Variants in GCNT4 observed in about 807,000 individuals in gnomAD.
The protein encoded by GCNT4 is glucosaminyl (N-acetyl) transferase 4, also known as beta-1,3-galactosyl-O-glycosyl-glycoprotein beta-1,6-N-acetylglucosaminyltransferase 4.
A neutral mutation model predicts 31.3 loss-of-function variants in GCNT4; 17 were observed. The ratio of observed to expected loss-of-function variants is 0.54; its 90% CI spans 0.37 to 0.81. GCNT4 has a LOEUF of 0.81. Among genes scored for constraint, GCNT4 ranks in the 40% least tolerant of loss-of-function variants. The pLI, the probability that GCNT4 is intolerant of heterozygous loss-of-function variation, is 0.00. For synonymous variants in GCNT4, 158 were observed against 190.6 expected (o/e 0.83, Z 1.41); for missense variants, 503 against 525.5 (o/e 0.96, Z 0.42).
rs201421231 is a variant in GCNT4 at position 75,026,647 on chromosome 5, C to A, written c.*2029G>T. The A allele has an allele frequency of 3.5e-4, 23 of 65,768 alleles. No individual in the cohort carries two copies. The highest frequency in any genetic ancestry group is 7.4e-4 in the South Asian group (1 of 1,344). 4.1% of individuals were successfully genotyped at this position (65,768 alleles called of 1,614,324 possible). ...CATATACTATTTCAATCGATTCTCA[C>A]AAAAAAAAAAAAAAAAAAAAAAAAA... On this transcript the variant is annotated 3_prime_UTR_variant, in exon 4 of 4. Transcript: ENST00000652361.
At chr5:75,043,115 G>T (rs148881849) in intron 3 of GCNT4, among the ~76,000 whole-genome samples, 1 of 152,170 alleles carries the variant, frequency 6.6e-6, no homozygotes, top group Admixed American at 6.5e-5. Flanking sequence ...TTCTCAATAC[G>T]TAGGTTTTAT....
intron 3 of GCNT4, among the ~76,000 whole-genome samples, chr5:75,042,542 A>G (rs959910953): frequency 6.6e-6 from 1 of 152,238 alleles, no homozygotes; most frequent in Non-Finnish European, 1.5e-5. Flanking sequence ...CTCCATGTCC[A>G]TCGCAGAGGC....
downstream of GCNT4, among the ~76,000 whole-genome samples, chr5:75,023,434 A>T (rs1027804791): frequency 4.6e-5 from 7 of 152,204 alleles, no homozygotes; most frequent in Non-Finnish European, 1.0e-4. Context: ...TCAGGATTAT[A>T]ATTTCTCTCA....
intron 2 of GCNT4, among the ~76,000 whole-genome samples, chr5:75,051,705 C>CT (rs1249536659): frequency 6.6e-6 from 1 of 152,252 alleles, no homozygotes; most frequent in Non-Finnish European, 1.5e-5. Context: ...AGTGCTAACT[C>CT]TGACTGCCCG....
At chr5:75,043,691 A>C (rs533324971) in intron 3 of GCNT4, among the ~76,000 whole-genome samples, 1 of 152,242 alleles carries the variant, frequency 6.6e-6, no homozygotes, top group Non-Finnish European at 1.5e-5. Context: ...ACTAGCAAAC[A>C]CCCACTTTGA....
At chr5:75,037,219 G>A (rs945809626) in intron 3 of GCNT4, among the ~76,000 whole-genome samples, 2 of 152,168 alleles carry the variant, frequency 1.3e-5, no homozygotes, top group Non-Finnish European at 2.9e-5. Context: ...CTCCCTTGGT[G>A]ACTCGCTCAC....
At chr5:75,017,827 A>G in the GCNT4 span, among the ~76,000 whole-genome samples, 1 of 152,314 alleles carries the variant, frequency 6.6e-6, no homozygotes, top group African/African-American at 2.4e-5. Flanking sequence ...ATTATTCATT[A>G]GAATCCCCTG....
At chr5:75,032,055 G>A (rs1425662294) in intron 3 of GCNT4, among the ~76,000 whole-genome samples, 3 of 151,964 alleles carry the variant, frequency 2.0e-5, no homozygotes, top group Non-Finnish European at 4.4e-5. Flanking sequence ...CTCTCCCCTG[G>A]GAATGAGATC....
chr5:75,042,422 T>C (rs548547129), intron 3 of GCNT4, among the ~76,000 whole-genome samples: 2 of 152,348 alleles, frequency 1.3e-5, no homozygotes, highest in Admixed American at 1.3e-4. Context: ...TTTGGTATTA[T>C]ATGGCTAACT....
intron 3 of GCNT4, among the ~76,000 whole-genome samples, chr5:75,046,721 G>A (rs945989701): frequency 2.0e-5 from 3 of 152,196 alleles, no homozygotes; most frequent in South Asian, 2.1e-4. Context: ...TTGCACAGGG[G>A]AGGGAAATGA....
downstream of GCNT4, among the ~76,000 whole-genome samples, chr5:75,021,607 C>CT (rs1365318449): frequency 6.6e-6 from 1 of 152,214 alleles, no homozygotes; most frequent in Non-Finnish European, 1.5e-5. Context: ...CAGATCATGT[C>CT]TTTTTCCTTA....
intron 3 of GCNT4, among the ~76,000 whole-genome samples, chr5:75,034,076 G>C (rs1353765806): frequency 6.6e-6 from 1 of 152,214 alleles, no homozygotes; most frequent in African/African-American, 2.4e-5. Flanking sequence ...TTTCCCCAAA[G>C]AGGTGCGTAG....
Position 75,026,850 on chromosome 5 carries a change from G to A in GCNT4, c.*1826C>T, listed in dbSNP as rs916243810. 6.6e-6 allele frequency: 1 copy of A among 152,060 alleles called. No homozygotes were observed. Among genetic ancestry groups the A allele is most frequent in the African/African-American group, 2.4e-5 (1 of 41,490 alleles). The allele number at this position is 152,060 out of a possible 1,614,324, so 9.4% of individuals were successfully genotyped here. ...TACTTATTTTGAAGAATGGGGCTTG[G>A]TAATAGTTATTTCCAAAGAATGAAG... On this transcript the variant is annotated 3_prime_UTR_variant, in exon 4 of 4. Transcript: ENST00000652361.
intron 3 of GCNT4, among the ~76,000 whole-genome samples, chr5:75,039,406 T>C (rs1159536695): frequency 6.6e-6 from 1 of 152,206 alleles, no homozygotes; most frequent in Non-Finnish European, 1.5e-5. Flanking sequence ...TTATTGTTCT[T>C]ACCTTATACT....
At chr5:75,052,873 C>G (rs1743612189), upstream of GCNT4, 1 of 152,506 alleles carries the variant, frequency 6.6e-6, no homozygotes, top group African/African-American at 2.4e-5. Context: ...CCCTGCGCCT[C>G]GCAGCGGCGC....
rs138999952 is a variant in GCNT4 at position 75,033,672 on chromosome 5, TA to T, written c.-1-3635del. Among the ~76,000 whole-genome samples the T allele has an allele frequency of 8.6e-3, 1,273 of 147,534 alleles. 9 individuals are homozygous for T. The highest frequency in any genetic ancestry group is 0.019 in the African/African-American group (767 of 39,406). ...AAATCCCTTTATTTATTTATTTATT[TA>T]TTTTTTTTTTTTTACTTTAAGTTCT... On this transcript the variant is annotated intron_variant, in intron 3 of 3. Coordinates refer to ENST00000652361, the MANE Select transcript of GCNT4 (RefSeq NM_001366737.1).
chr5:75,037,478 G>A (rs1266603637), intron 3 of GCNT4, among the ~76,000 whole-genome samples: 1 of 152,202 alleles, frequency 6.6e-6, no homozygotes, highest in East Asian at 1.9e-4. Flanking sequence ...GACTCGGTCA[G>A]AAATCCAATA....
intron 3 of GCNT4, among the ~76,000 whole-genome samples, chr5:75,044,603 T>C (rs555254048): frequency 7.9e-5 from 12 of 152,140 alleles, no homozygotes; most frequent in African/African-American, 2.9e-4. Flanking sequence ...TCAAAAGCAT[T>C]TGAAGCAGCC....
At chr5:75,036,475 T>C (rs367659636) in intron 3 of GCNT4, among the ~76,000 whole-genome samples, 64 of 152,350 alleles carry the variant, frequency 4.2e-4, no homozygotes, top group African/African-American at 1.5e-3. Context: ...TTTTAACCCT[T>C]TATGCAATAG....
Sources: allele counts gnomAD v4.1 joint callset (sites outside exome capture counted in the v4.1 genomes callset), GRCh38; gene constraint gnomAD v4.1.1; transcripts MANE v1.5; gene names NCBI Gene and HGNC (gene_info 2026-07-23, HGNC 2026-07-21).